The following KIAA1328 variants were observed in gnomAD, a reference collection of about 807,000 sequenced individuals.
KIAA1328 encodes the protein KIAA1328, also known as protein hinderin.
Under a neutral mutation model 68.1 loss-of-function variants are expected in KIAA1328, and 52 were observed. The observed-to-expected ratio is 0.76, with a 90% CI of 0.61 to 0.96. The LOEUF (loss-of-function observed/expected upper bound fraction) is 0.96, where lower values mean the gene tolerates loss of function less well. KIAA1328 is among the 40% of genes least tolerant of loss of function. The probability of loss-of-function intolerance (pLI) is 0.00; values close to 1 mark genes in which losing one functional copy is unlikely to be tolerated. For synonymous variants in KIAA1328, 232 were observed against 239.4 expected (o/e 0.97, Z 0.28); for missense variants, 641 against 677.6 (o/e 0.95, Z 0.60).
At chr18:37,116,733 A>C (rs1222817741) in intron 7 of KIAA1328, among the ~76,000 whole-genome samples, 1 of 152,216 alleles carries the variant, frequency 6.6e-6, no homozygotes. Context: ...CAACCTACAG[A>C]ATGGGAGAAA....
At chr18:37,020,275 A>G (rs538101883) in intron 6 of KIAA1328, among the ~76,000 whole-genome samples, 8 of 152,104 alleles carry the variant, frequency 5.3e-5, no homozygotes, top group African/African-American at 1.4e-4. Flanking sequence ...GGCACATGCC[A>G]CCACGCCTGG....
chr18:37,199,197 C>T (rs546390261), intron 9 of KIAA1328, among the ~76,000 whole-genome samples: 46 of 152,234 alleles, frequency 3.0e-4, no homozygotes, highest in African/African-American at 1.0e-3. Context: ...TTTATCCCCT[C>T]GGTATGAAGC....
intron 8 of KIAA1328, among the ~76,000 whole-genome samples, chr18:37,168,274 G>A (rs2059429823): frequency 6.6e-6 from 1 of 152,210 alleles, no homozygotes; most frequent in Non-Finnish European, 1.5e-5. Context: ...GTTGTTATAG[G>A]ACAGAACAGA....
intron 6 of KIAA1328, among the ~76,000 whole-genome samples, chr18:37,058,543 T>G (rs1412686970): frequency 6.6e-6 from 1 of 151,992 alleles, no homozygotes; most frequent in Non-Finnish European, 1.5e-5. Context: ...TGAAACCCTG[T>G]CTCTACTAAA....
chr18:37,174,971 G>A (rs906785492), intron 9 of KIAA1328, among the ~76,000 whole-genome samples: 3 of 152,004 alleles, frequency 2.0e-5, no homozygotes, highest in African/African-American at 4.8e-5. Flanking sequence ...ATGCCCAGCC[G>A]CTTTCTTTTA....
At chr18:36,960,056 A>G (rs994891269) in intron 6 of KIAA1328, among the ~76,000 whole-genome samples, 2 of 152,162 alleles carry the variant, frequency 1.3e-5, no homozygotes, top group Admixed American at 6.5e-5. Context: ...TTTCCTAGCC[A>G]AGGGAAGCCA....
intron 5 of KIAA1328, among the ~76,000 whole-genome samples, chr18:36,938,592 T>G (rs1429943191): frequency 6.6e-6 from 1 of 152,086 alleles, no homozygotes; most frequent in African/African-American, 2.4e-5. Flanking sequence ...GAAGCTTTGA[T>G]GTAATCCCAT....
chr18:36,974,236 G>C (rs1253293459), intron 6 of KIAA1328, among the ~76,000 whole-genome samples: 1 of 152,096 alleles, frequency 6.6e-6, no homozygotes, highest in East Asian at 1.9e-4. Flanking sequence ...TGTAGGTAGT[G>C]AAGTCTGGGC....
At position 37,118,008 on chromosome 18, in the gene KIAA1328, C is replaced by CTTTTTT. The variant is rs112710292; in HGVS notation, c.1233-42184_1233-42179dup. ...ACTGGTATGTATAATTGCTTTCTTT[C>CTTTTTT]TTTTTTTTTTTTTGAGACACATTCT... On this transcript the variant is annotated intron_variant, in intron 7 of 9. Transcript: ENST00000280020. Among the ~76,000 whole-genome samples the CTTTTTT allele has an allele frequency of 5.3e-4, 75 of 141,696 alleles. 2 individuals are homozygous for CTTTTTT. Among genetic ancestry groups the CTTTTTT allele is most frequent in the African/African-American group, 1.9e-3 (72 of 37,672 alleles). The allele number at this position is 141,696 out of a possible 152,430, so 93.0% of individuals were successfully genotyped here. A position where few individuals can be genotyped will look rare whatever the true frequency, so the allele number is the denominator to read the frequency against.
At chr18:37,018,882 G>A (rs912690399) in intron 6 of KIAA1328, among the ~76,000 whole-genome samples, 3 of 151,366 alleles carry the variant, frequency 2.0e-5, no homozygotes, top group Non-Finnish European at 4.4e-5. Context: ...GAATCTCATC[G>A]ACCTTCCTTG....
chr18:37,153,624 CTTTTTTTTTT>C (rs772159270), intron 7 of KIAA1328, among the ~76,000 whole-genome samples: 77 of 95,672 alleles, frequency 8.0e-4, no homozygotes, highest in African/African-American at 2.9e-3. Flanking sequence ...AATCCAATAG[CTTTTTTTTTT>C]TTTTTTTTTT....
At chr18:37,082,195 A>T (rs1482580997) in intron 7 of KIAA1328, among the ~76,000 whole-genome samples, 1 of 123,906 alleles carries the variant, frequency 8.1e-6, no homozygotes, top group Non-Finnish European at 1.6e-5. Flanking sequence ...TTTTGGATAC[A>T]GCATCTCACT....
intron 7 of KIAA1328, among the ~76,000 whole-genome samples, chr18:37,128,448 C>G (rs1002522392): frequency 6.6e-6 from 1 of 152,104 alleles, no homozygotes; most frequent in African/African-American, 2.4e-5. Context: ...ACTCCAGCCT[C>G]GGTGACAGAG....
At chr18:36,836,119 T>C (rs1048381917) in intron 3 of KIAA1328, among the ~76,000 whole-genome samples, 30 of 152,144 alleles carry the variant, frequency 2.0e-4, no homozygotes, top group Non-Finnish European at 3.8e-4. Context: ...TATAGAAAAC[T>C]TTTTTCAGTC....
At chr18:36,901,041 G>A (rs1305445174) in intron 5 of KIAA1328, among the ~76,000 whole-genome samples, 1 of 151,998 alleles carries the variant, frequency 6.6e-6, no homozygotes, top group African/African-American at 2.4e-5. Flanking sequence ...TTGTTGTCTT[G>A]AATGAAGAGG....
chr18:36,981,171 A>G (rs997426554), intron 6 of KIAA1328, among the ~76,000 whole-genome samples: 29 of 152,196 alleles, frequency 1.9e-4, no homozygotes, highest in Admixed American at 1.2e-3. Flanking sequence ...GGCATTGGGT[A>G]GAATATTCCA....
At chr18:36,948,566 T>A (rs2051005054) in intron 5 of KIAA1328, among the ~76,000 whole-genome samples, 2 of 151,078 alleles carry the variant, frequency 1.3e-5, no homozygotes, top group Admixed American at 1.3e-4. Context: ...TTTTTTTTTT[T>A]TTTGAGACAG....
At chr18:37,054,145 A>T (rs184882201) in intron 6 of KIAA1328, among the ~76,000 whole-genome samples, 21 of 152,192 alleles carry the variant, frequency 1.4e-4, no homozygotes, top group Non-Finnish European at 2.9e-4. Context: ...ATTAAAATGT[A>T]AAAAAATGTA....
At chr18:37,108,604 A>G (rs2057839932) in intron 7 of KIAA1328, among the ~76,000 whole-genome samples, 5 of 152,144 alleles carry the variant, frequency 3.3e-5, no homozygotes. Flanking sequence ...GCATTTTTTC[A>G]TTGTAAACAA....
Sources: allele counts gnomAD v4.1 joint callset (sites outside exome capture counted in the v4.1 genomes callset), GRCh38; gene constraint gnomAD v4.1.1; transcripts MANE v1.5; gene names NCBI Gene and HGNC (gene_info 2026-07-23, HGNC 2026-07-21).